Variants in MGAT5 observed in about 807,000 individuals in gnomAD.
The protein encoded by MGAT5 is alpha-1,6-mannosylglycoprotein 6-beta-N-acetylglucosaminyltransferase A.
Under a neutral mutation model 94.3 loss-of-function variants are expected in MGAT5, and 30 were observed. That is an observed-to-expected ratio of 0.32 (90% CI 0.24 to 0.43). MGAT5 has a LOEUF of 0.43. Ranked by LOEUF, MGAT5 falls within the 20% of genes least tolerant of loss-of-function variation. MGAT5 has a pLI of 1.00. For missense variants in MGAT5, 691 were observed against 905.5 expected (o/e 0.76, Z 3.04); for synonymous variants, 310 against 322.9 (o/e 0.96, Z 0.43).
intron 10 of MGAT5, among the ~76,000 whole-genome samples, chr2:134,381,684 G>A (rs1284130468): frequency 6.6e-6 from 1 of 152,156 alleles, no homozygotes; most frequent in Non-Finnish European, 1.5e-5. Flanking sequence ...AAGGGTGGTT[G>A]GCTTCCTACT....
At chr2:134,302,400 T>C (rs906643012) in intron 2 of MGAT5, among the ~76,000 whole-genome samples, 1 of 152,158 alleles carries the variant, frequency 6.6e-6, no homozygotes, top group African/African-American at 2.4e-5. Context: ...TGCCCTAATA[T>C]GATTTTTATA....
intron 1 of MGAT5, among the ~76,000 whole-genome samples, chr2:134,265,414 C>G (rs1161803734): frequency 6.6e-6 from 1 of 152,190 alleles, no homozygotes; most frequent in East Asian, 1.9e-4. Context: ...CTTCCAATCA[C>G]TTCTTACCCA....
Position 134,438,014 on chromosome 2 carries a change from C to CAAAAA in MGAT5, c.1870-3732_1870-3728dup, listed in dbSNP as rs1276833339. ...TGGGTGACACAGCGAGACTCCGTCT[C>CAAAAA]AAAAAAAAAAAAAAAAGATTTACAG... On this transcript the variant is annotated intron_variant, in intron 14 of 15. Transcript: ENST00000281923. Among the ~76,000 whole-genome samples the CAAAAA allele has an allele frequency of 2.5e-3, 255 of 101,210 alleles. 4 individuals are homozygous for CAAAAA. Among genetic ancestry groups the CAAAAA allele is most frequent in the African/African-American group, 5.9e-3 (181 of 30,446 alleles). The allele number at this position is 101,210 out of a possible 152,430, so 66.4% of individuals were successfully genotyped here. A position where few individuals can be genotyped will look rare whatever the true frequency, so the allele number is the denominator to read the frequency against.
intron 4 of MGAT5, among the ~76,000 whole-genome samples, chr2:134,330,577 G>A (rs1159034746): frequency 8.1e-6 from 1 of 123,006 alleles, no homozygotes; most frequent in South Asian, 2.7e-4. Flanking sequence ...GTGTGTGTGT[G>A]TGTGTGTTAC....
At chr2:134,308,306 A>G (rs973908378) in intron 2 of MGAT5, among the ~76,000 whole-genome samples, 4 of 152,196 alleles carry the variant, frequency 2.6e-5, no homozygotes, top group African/African-American at 9.6e-5. Flanking sequence ...TGCAACAAAG[A>G]GACCCAAAAA....
At chr2:134,282,065 T>C (rs1314700245) in intron 2 of MGAT5, among the ~76,000 whole-genome samples, 1 of 152,140 alleles carries the variant, frequency 6.6e-6, no homozygotes, top group African/African-American at 2.4e-5. Flanking sequence ...CTCCTGGAGA[T>C]GGTTGTGTGT....
rs531139250 is a variant in MGAT5, at chr2:134,188,439, A to T, written c.-142-65823A>T. 8.0e-4 allele frequency among the ~76,000 whole-genome samples: 122 copies of T among 152,368 alleles called. 1 individual carries two copies. The highest frequency in any genetic ancestry group is 2.8e-3 in the African/African-American group (116 of 41,604). On this transcript the variant is annotated intron_variant, in intron 1 of 16. Transcript: ENST00000409645. ...CAGTGCTCTCATCTGCAAAGTGGGA[A>T]TGATACAGTACCTATCCTATGAGGT... is the stretch of plus-strand genomic sequence containing the variant.
At chr2:134,291,315 TTC>T (rs1383447343) in intron 2 of MGAT5, among the ~76,000 whole-genome samples, 1 of 152,202 alleles carries the variant, frequency 6.6e-6, no homozygotes, top group African/African-American at 2.4e-5. Context: ...AGCTTGTTTT[TTC>T]TCTCTGTTCT....
intron 1 of MGAT5, among the ~76,000 whole-genome samples, chr2:134,219,721 A>G (rs116006983): frequency 1.5e-3 from 222 of 152,314 alleles, no homozygotes; most frequent in African/African-American, 4.6e-3. Context: ...GAGTTCTTTT[A>G]GGAGATCCTG....
rs548305963 is a variant in MGAT5, at chr2:134,121,388, G to T, written c.-143+1097G>T. ...CCCAGGGACGCTCGCGCATACACTT[G>T]CTGTCACACACAAAGCCGCGGTTTT... On this transcript the variant is annotated intron_variant, in intron 1 of 16. Coordinates refer to the MGAT5 transcript ENST00000409645. Among the ~76,000 whole-genome samples, 95 of 152,370 alleles carry T rather than the reference G, an allele frequency of 6.2e-4. 1 individual carries two copies. The highest frequency in any genetic ancestry group is 2.3e-3 in the African/African-American group (94 of 41,598).
chr2:134,349,611 C>G (rs1184541471), intron 8 of MGAT5, among the ~76,000 whole-genome samples, 194 bp from the exon 9 acceptor site: 1 of 152,160 alleles, frequency 6.6e-6, no homozygotes, highest in Non-Finnish European at 1.5e-5. Flanking sequence ...TGTGTGATGT[C>G]TCAGACTCTA....
At chr2:134,191,909 C>T (rs79593393) in intron 1 of MGAT5, among the ~76,000 whole-genome samples, 1,587 of 144,992 alleles carry the variant, frequency 0.011, 29 homozygotes, top group African/African-American at 0.04. Context: ...TTCTCCTGCT[C>T]ACGCCAGCGG....
intron 1 of MGAT5, among the ~76,000 whole-genome samples, chr2:134,238,436 A>G (rs761584589): frequency 2.6e-5 from 4 of 152,342 alleles, no homozygotes; most frequent in South Asian, 2.1e-4. Context: ...AGGAGAAGCA[A>G]TGTGATAGCA....
intron 1 of MGAT5, among the ~76,000 whole-genome samples, chr2:134,217,143 G>C (rs1680534908): frequency 6.6e-6 from 1 of 151,838 alleles, no homozygotes; most frequent in Admixed American, 6.6e-5. Context: ...AATGAAATGT[G>C]GTTTTTGGGT....
intron 1 of MGAT5, among the ~76,000 whole-genome samples, chr2:134,144,303 G>T (rs754788960): frequency 8.5e-5 from 13 of 152,200 alleles, no homozygotes; most frequent in Admixed American, 3.3e-4. Flanking sequence ...CACCATCATG[G>T]CAGAAGGTGA....
chr2:134,238,706 G>A (rs548298306), intron 1 of MGAT5, among the ~76,000 whole-genome samples: 3 of 152,336 alleles, frequency 2.0e-5, no homozygotes, highest in African/African-American at 7.2e-5. Flanking sequence ...CACTTTGGGA[G>A]GCTGAGATGG....
intron 1 of MGAT5, among the ~76,000 whole-genome samples, chr2:134,169,735 A>C (rs1688120244): frequency 6.6e-6 from 1 of 152,122 alleles, no homozygotes; most frequent in South Asian, 2.1e-4. Flanking sequence ...CTCTGCAGGA[A>C]ATGATATTTA....
rs549649934 is a variant in MGAT5, at chr2:134,443,819, C to T, written c.2027+1904C>T. Among the ~76,000 whole-genome samples, 16 of 152,312 alleles carry T rather than the reference C, an allele frequency of 1.1e-4. No individual in the cohort carries two copies. In the East Asian group the frequency reaches 3.1e-3, roughly 29 times the overall value. ...TCTGTCTGCATCTGAAGTTGGAATT[C>T]ACTAGTTACAGACTAGGGACTGTCT... On this transcript the variant is annotated intron_variant, in intron 15 of 15. Coordinates refer to ENST00000281923, the MANE Select transcript of MGAT5 (RefSeq NM_002410.5).
At position 134,453,253 on chromosome 2, in the gene MGAT5, T is replaced by C. The variant is rs574743209; in HGVS notation, c.*4406T>C. 6.6e-6 allele frequency: 1 copy of C among 152,348 alleles called. No individual in the cohort carries two copies. The highest frequency in any genetic ancestry group is 2.1e-4 in the South Asian group (1 of 4,832). The allele number at this position is 152,348 out of a possible 1,614,324, so 9.4% of individuals were successfully genotyped here. Reference sequence around the variant, plus strand: ...GAGTAGCCCAGTTCTCGGCCTACCCTGCTGGTTGGGATCTTACTGTATTCT... The same window carrying C: ...GAGTAGCCCAGTTCTCGGCCTACCCCGCTGGTTGGGATCTTACTGTATTCT... On this transcript the variant is annotated 3_prime_UTR_variant, in exon 16 of 16. Transcript: ENST00000281923.
Sources: allele counts gnomAD v4.1 joint callset (sites outside exome capture counted in the v4.1 genomes callset), GRCh38; gene constraint gnomAD v4.1.1; transcripts MANE v1.5; gene names NCBI Gene and HGNC (gene_info 2026-07-23, HGNC 2026-07-21).